Variants in SFXN2 observed in about 807,000 individuals in gnomAD.
SFXN2 encodes the protein sideroflexin-2.
SFXN2 carries 37 observed loss-of-function variants against 41.9 expected under a neutral mutation model. That is an observed-to-expected ratio of 0.88 (90% CI 0.68 to 1.16). The LOEUF (loss-of-function observed/expected upper bound fraction) is 1.16. Ranked by LOEUF, SFXN2 falls within the 50% of genes most tolerant of loss-of-function variation. SFXN2 has a pLI of 0.00. For synonymous variants in SFXN2, 150 were observed against 156.7 expected, an observed-to-expected ratio of 0.96 and a Z score of 0.32; for missense variants, 386 against 425.2, an observed-to-expected ratio of 0.91 and a Z score of 0.81.
Position 102,729,730 on chromosome 10 carries a change from C to T in SFXN2, c.515C>T (p.Pro172Leu), listed in dbSNP as rs765737805. 2.0e-5 allele frequency: 33 copies of T among 1,613,846 alleles called. No individual in the cohort carries two copies. The Admixed American group carries it at 2.2e-4, about 11-fold the overall frequency. The change falls in exon 6 of 12, where the codon CCG becomes CTG. Residue 172 changes from proline (P) to leucine (L), a missense_variant. Transcript: ENST00000369893. ...GTTCTCTTCCCCCAACAGAAAGCGC[C>T]GCCCTTGGTGGGCCGCTGGGTGCCC... is the stretch of plus-strand genomic sequence containing the variant. ...VGMNMLTKKA[P>L]PLVGRWVPFA...
At chr10:102,737,091 T>C (rs924225620) in intron 11 of SFXN2, among the ~76,000 whole-genome samples, 4 of 151,182 alleles carry the variant, frequency 2.6e-5, no homozygotes, top group African/African-American at 9.7e-5. Context: ...GAAGTGGAGG[T>C]TGCGGTGAGC....
At chr10:102,733,059 C>T in intron 9 of SFXN2, 151 bp downstream of exon 9, 1 of 792,562 alleles carries the variant, frequency 1.3e-6, no homozygotes, top group Non-Finnish European at 2.1e-6. Context: ...CTCCACTGAC[C>T]TCCTGTTTAG....
chr10:102,727,266 AC>A, intron 3 of SFXN2, 109 bp downstream of exon 3: 2 of 1,192,148 alleles, frequency 1.7e-6, no homozygotes, highest in Non-Finnish European at 2.3e-6. Context: ...CTTACCAGAT[AC>A]CAGGCACTAT....
At chr10:102,716,535 T>C (rs7905481) in intron 1 of SFXN2, 42,684 of 147,214 alleles carry the variant, frequency 0.29, 6,682 homozygotes, top group Non-Finnish European at 0.32. Flanking sequence ...TACTTTTTTT[T>C]TCTCTTTGTT....
At chr10:102,733,034 C>T in intron 9 of SFXN2, 126 bp downstream of exon 9, 1 of 930,036 alleles carries the variant, frequency 1.1e-6, no homozygotes, top group Non-Finnish European at 1.7e-6. Context: ...TCATCTCACT[C>T]AAGCCCACAC....
At chr10:102,732,970 A>G (rs1000904735) in intron 9 of SFXN2, 62 bp downstream of exon 9, 80 of 1,565,768 alleles carry the variant, frequency 5.1e-5, no homozygotes, top group Non-Finnish European at 6.9e-5. Context: ...ATCTGTCCCT[A>G]GGGATACCTG....
At chr10:102,728,391 C>G in intron 3 of SFXN2, 40 bp from the exon 4 acceptor site, 1 of 1,570,450 alleles carries the variant, frequency 6.4e-7, no homozygotes, top group Non-Finnish European at 8.8e-7. Flanking sequence ...TCCCTGCCAT[C>G]TGACTTCTCT....
rs139182273 is a variant in SFXN2, at chr10:102,726,733, C to G, written c.97C>G (p.Pro33Ala). 1.4e-5 allele frequency: 23 copies of G among 1,614,028 alleles called. No homozygotes were observed. In the African/African-American group the frequency reaches 2.7e-4, roughly 19 times the overall value. ...RVKHFLNITD[P>A]RTVFVSEREL... ...GAAGCACTTCCTAAACATCACGGAC[C>G]CCCGCACTGTCTTTGTATCTGAGCG... Residue 33 changes from proline (P) to alanine (A), a missense_variant, in exon 2 of 12, where the codon CCC becomes GCC. Pro to Ala is a conservative substitution (Grantham distance 27). Transcript: ENST00000369893.
At chr10:102,732,820 T>C in intron 8 of SFXN2, 39 bp from the exon 9 acceptor site, 1 of 1,606,406 alleles carries the variant, frequency 6.2e-7, no homozygotes, top group Non-Finnish European at 8.5e-7. Flanking sequence ...GGGGAGAGCC[T>C]CCCAGCCCTC....
At chr10:102,729,288 C>G (rs750949165) in intron 4 of SFXN2, 31 bp from the exon 5 acceptor site, 1 of 1,610,904 alleles carries the variant, frequency 6.2e-7, no homozygotes, top group Admixed American at 1.7e-5. Context: ...CGGCAGGGGC[C>G]CCACTCCCAA....
At chr10:102,729,489 G>T in intron 5 of SFXN2, 95 bp downstream of exon 5, 4 of 1,447,776 alleles carry the variant, frequency 2.8e-6, no homozygotes, top group Non-Finnish European at 3.8e-6. Flanking sequence ...CCCAGGCTGG[G>T]TGAGTTGGGA....
chr10:102,717,088 A>G (rs1034723569), intron 1 of SFXN2, among the ~76,000 whole-genome samples: 5 of 147,758 alleles, frequency 3.4e-5, no homozygotes, highest in African/African-American at 1.2e-4. Flanking sequence ...CTGAGATCTT[A>G]GATCACATGT....
In SFXN2 at chr10:102,739,946, T is replaced by G. The variant is rs1300782116; in HGVS notation, c.*2184T>G. ...ACATCAGAATTAGCTGGCAGGCTTG[T>G]TAAAGCACAGATTGCAGGATCCATT... On this transcript the variant is annotated 3_prime_UTR_variant, in exon 12 of 12. Transcript: ENST00000369893. 2.6e-5 allele frequency: 4 copies of G among 151,932 alleles called. No individual in the cohort carries two copies. The highest frequency in any genetic ancestry group is 2.4e-5 in the African/African-American group (1 of 41,376). The allele number at this position is 151,932 out of a possible 1,614,324, so 9.4% of individuals were successfully genotyped here.
chr10:102,717,822 C>T (rs192519837), intron 1 of SFXN2: 2 of 982,770 alleles, frequency 2.0e-6, no homozygotes, highest in African/African-American at 3.5e-5. Context: ...AAACATGTAG[C>T]AGTAAACATC....
Position 102,735,865 on chromosome 10 carries a change from C to T in SFXN2, c.825C>T (p.Leu275=), listed in dbSNP as rs752445962. The change falls in exon 11 of 12, where the codon CTC becomes CTT. Residue 275 remains leucine (L), a synonymous_variant. Transcript: ENST00000369893. ...TTTGGTTTCTCCTTTCTTGCAGCCT[C>T]ATCTTCATGGTGCCAGTGGCGTGTG... ...PLQVMLSGCF[L]IFMVPVACGL... 2.5e-6 allele frequency: 4 copies of T among 1,614,122 alleles called. No individual in the cohort carries two copies. Among genetic ancestry groups the T allele is most frequent in the Non-Finnish European group, 3.4e-6 (4 of 1,180,008 alleles).
intron 1 of SFXN2, among the ~76,000 whole-genome samples, chr10:102,723,543 C>T (rs769394161): frequency 2.6e-5 from 4 of 152,146 alleles, no homozygotes; most frequent in African/African-American, 2.4e-5. Flanking sequence ...TGAGCCACTG[C>T]GCCTGGCCCC....
intron 5 of SFXN2, 128 bp downstream of exon 5, chr10:102,729,522 A>C: frequency 1.6e-6 from 2 of 1,223,878 alleles, no homozygotes; most frequent in South Asian, 2.8e-5. Flanking sequence ...CGGCTGGCCA[A>C]GTGATGAGAA....
chr10:102,727,276 A>G, intron 3 of SFXN2, 119 bp downstream of exon 3: 1 of 1,098,844 alleles, frequency 9.1e-7, no homozygotes, highest in Admixed American at 2.5e-5. Context: ...ACCAGGCACT[A>G]TGCTACATTC....
chr10:102,732,877 T>C lies in SFXN2; in HGVS notation c.740T>C (p.Met247Thr). The C allele has an allele frequency of 1.2e-6, 2 of 1,614,178 alleles. No homozygotes were observed. Among genetic ancestry groups the C allele is most frequent in the South Asian group, 1.1e-5 (1 of 91,090 alleles). Residue 247 changes from methionine (M) to threonine (T), a missense_variant, in exon 9 of 12, where the codon ATG becomes ACG. Transcript: ENST00000369893. Reference sequence around the variant, plus strand: ...CTTCCAGTCTTGCTGCCAGTCATCATGGAAAGGCTTGAGAAATTGCACTTC... The same window carrying C: ...CTTCCAGTCTTGCTGCCAGTCATCACGGAAAGGCTTGAGAAATTGCACTTC... Reference protein sequence around the residue: ...APGMILLPVIMERLEKLHFMQ... With the variant: ...APGMILLPVITERLEKLHFMQ...
Sources: gnomAD v4.1 joint callset for allele counts (sites outside exome capture counted in the v4.1 genomes callset) on GRCh38, gnomAD v4.1.1 for gene constraint, MANE v1.5 for transcripts, NCBI Gene and HGNC (gene_info 2026-07-23, HGNC 2026-07-21) for gene names.